Variants in TPH2 observed in about 807,000 individuals in gnomAD.
TPH2 encodes tryptophan 5-hydroxylase 2.
Under a neutral mutation model 59.1 loss-of-function variants are expected in TPH2, and 27 were observed. That is an observed-to-expected ratio of 0.46 (90% CI 0.34 to 0.63). The LOEUF is 0.63. Among genes scored for constraint, TPH2 ranks in the 30% least tolerant of loss-of-function variants. TPH2 has a pLI of 0.01. For missense variants in TPH2, 523 were observed against 588.3 expected (o/e 0.89, Z 1.15); for synonymous variants, 220 against 210.5 (o/e 1.05, Z -0.39).
intron 5 of TPH2, among the ~76,000 whole-genome samples, chr12:71,960,254 C>T (rs928870209): frequency 6.6e-6 from 1 of 152,282 alleles, no homozygotes; most frequent in East Asian, 1.9e-4. Context: ...ATTCAAATAT[C>T]TTTCTCTGCC....
At chr12:72,022,523 C>T (rs2139245356) in intron 9 of TPH2, 29 bp downstream of exon 9, 1 of 1,469,884 alleles carries the variant, frequency 6.8e-7, no homozygotes, top group South Asian at 1.1e-5. Context: ...AAATACCCTT[C>T]CCATGCAAAC....
At chr12:72,022,549 G>A (rs1200280517) in intron 9 of TPH2, 55 bp downstream of exon 9, 12 of 1,254,022 alleles carry the variant, frequency 9.6e-6, no homozygotes, top group Non-Finnish European at 1.3e-5. Flanking sequence ...CAAGGTCAGG[G>A]AAAATATTGA....
intron 5 of TPH2, among the ~76,000 whole-genome samples, chr12:71,971,295 A>G (rs916105260): frequency 1.3e-5 from 2 of 152,190 alleles, no homozygotes; most frequent in Non-Finnish European, 2.9e-5. Context: ...TTGGACTTCC[A>G]TATGTTGTAC....
At chr12:72,011,107 T>G (rs1416980024) in intron 8 of TPH2, among the ~76,000 whole-genome samples, 3 of 152,176 alleles carry the variant, frequency 2.0e-5, no homozygotes. Flanking sequence ...GAAGTTTAGC[T>G]ATTTCAAGGT....
chr12:72,023,880 AT>A (rs1478521851), intron 9 of TPH2, among the ~76,000 whole-genome samples: 1 of 150,856 alleles, frequency 6.6e-6, no homozygotes, highest in Non-Finnish European at 1.5e-5. Flanking sequence ...AATAGACAAT[AT>A]TTCTGGTGCT....
chr12:71,982,851 A>C (rs10879349), intron 7 of TPH2, among the ~76,000 whole-genome samples: 2 of 152,120 alleles, frequency 1.3e-5, no homozygotes, highest in Non-Finnish European at 2.9e-5. Flanking sequence ...TATCTGAAAA[A>C]AGAATTTTAT....
At chr12:71,939,941 G>T (rs184850173) in intron 1 of TPH2, among the ~76,000 whole-genome samples, 4 of 152,076 alleles carry the variant, frequency 2.6e-5, no homozygotes, top group African/African-American at 4.8e-5. Context: ...TTTTAATTTC[G>T]TAGCTCCAAA....
At chr12:71,941,435 GTT>G (rs1871062744) in intron 1 of TPH2, 147 bp from the exon 2 acceptor site, 1 of 929,044 alleles carries the variant, frequency 1.1e-6, no homozygotes. Context: ...ATGACTGAAA[GTT>G]ATGAGTGACA....
chr12:71,939,052 A>C lies in TPH2; in HGVS notation c.66A>C (p.Ser22=), dbSNP rs1182639907. ...CACGGAGAGGGTTTTCCCTGGATTCAGCAGTGCCCGAAGAGCATCAGCTAC... is the reference window on the plus strand; with the variant it reads ...CACGGAGAGGGTTTTCCCTGGATTCCGCAGTGCCCGAAGAGCATCAGCTAC... The part of the protein sequence containing the change: ...YWARRGFSLD[S]AVPEEHQLLG... Residue 22 remains serine, a synonymous_variant, in exon 1 of 11, where the codon TCA becomes TCC. Coordinates refer to ENST00000333850, the MANE Select transcript of TPH2 (RefSeq NM_173353.4). 2 of 1,614,058 alleles carry C rather than the reference A, an allele frequency of 1.2e-6. No individual in the cohort carries two copies. The highest frequency in any genetic ancestry group is 1.7e-6 in the Non-Finnish European group (2 of 1,180,036).
intron 6 of TPH2, 75 bp from the exon 7 acceptor site, chr12:71,978,877 T>C (rs538841610): frequency 6.4e-7 from 1 of 1,574,284 alleles, no homozygotes; most frequent in South Asian, 1.1e-5. Flanking sequence ...TCCTTATAAA[T>C]AGTAGAAGCT....
intron 8 of TPH2, among the ~76,000 whole-genome samples, chr12:71,997,333 C>T (rs1592404228): frequency 6.6e-6 from 1 of 152,140 alleles, no homozygotes; most frequent in South Asian, 2.1e-4. Context: ...CTATGTATGG[C>T]CATCATCAAC....
chr12:72,021,490 T>C (rs956344351), intron 8 of TPH2, among the ~76,000 whole-genome samples: 2 of 151,766 alleles, frequency 1.3e-5, no homozygotes, highest in Non-Finnish European at 2.9e-5. Flanking sequence ...GAAAGTGATA[T>C]GCATTCAGTA....
chr12:71,949,417 G>C (rs964462979), intron 4 of TPH2, among the ~76,000 whole-genome samples, 171 bp from the exon 5 acceptor site: 1 of 152,154 alleles, frequency 6.6e-6, no homozygotes, highest in African/African-American at 2.4e-5. Context: ...CCAATTTAAT[G>C]AGGTTTTACT....
At chr12:72,015,573 T>C (rs1019138152) in intron 8 of TPH2, among the ~76,000 whole-genome samples, 23 of 152,066 alleles carry the variant, frequency 1.5e-4, no homozygotes, top group Non-Finnish European at 2.8e-4. Context: ...CCCGCGTCGG[T>C]CTCCCAAAGT....
chr12:71,976,953 A>C (rs555175978), intron 6 of TPH2, among the ~76,000 whole-genome samples: 8 of 152,376 alleles, frequency 5.3e-5, no homozygotes, highest in African/African-American at 1.7e-4. Context: ...AGAATAGAAC[A>C]GTGGTTACAA....
chr12:72,025,340 A>G (rs1051394257), intron 9 of TPH2, among the ~76,000 whole-genome samples: 1 of 152,040 alleles, frequency 6.6e-6, no homozygotes. Context: ...CACCTTTATA[A>G]CTTTTACATA....
chr12:71,946,859 A>AG (rs1871209868), intron 4 of TPH2, among the ~76,000 whole-genome samples: 1 of 152,136 alleles, frequency 6.6e-6, no homozygotes, highest in Non-Finnish European at 1.5e-5. Context: ...ATCACCTTCG[A>AG]GATCATTTTT....
At chr12:71,940,170 A>G (rs1871017435) in intron 1 of TPH2, among the ~76,000 whole-genome samples, 1 of 152,220 alleles carries the variant, frequency 6.6e-6, no homozygotes, top group Non-Finnish European at 1.5e-5. Flanking sequence ...AAACAAAGTA[A>G]GCTCAGGGTA....
chr12:71,952,742 C>G (rs1250742966), intron 5 of TPH2, among the ~76,000 whole-genome samples: 3 of 152,158 alleles, frequency 2.0e-5, no homozygotes, highest in Non-Finnish European at 2.9e-5. Flanking sequence ...AGATGTGCAA[C>G]CTCATTGTGC....
Sources: allele counts gnomAD v4.1 joint callset (sites outside exome capture counted in the v4.1 genomes callset), GRCh38; gene constraint gnomAD v4.1.1; transcripts MANE v1.5; gene names NCBI Gene and HGNC (gene_info 2026-07-23, HGNC 2026-07-21).